The following SLC24A3 variants were observed in gnomAD, a reference collection of about 807,000 sequenced individuals.
SLC24A3 encodes solute carrier family 24 member 3.
Under a neutral mutation model 75.8 loss-of-function variants are expected in SLC24A3, and 28 were observed. The observed-to-expected ratio is 0.37, with a 90% CI of 0.27 to 0.51. The LOEUF is 0.51. Among genes scored for constraint, SLC24A3 ranks in the 20% least tolerant of loss-of-function variants. The probability of loss-of-function intolerance (pLI) is 0.94; values close to 1 mark genes in which losing one functional copy is unlikely to be tolerated. For missense variants in SLC24A3, 663 were observed against 847.8 expected (o/e 0.78, Z 2.71); for synonymous variants, 372 against 334.1 (o/e 1.11, Z -1.24).
intron 1 of SLC24A3, among the ~76,000 whole-genome samples, chr20:19,274,949 C>T (rs909175152): frequency 7.2e-5 from 11 of 152,224 alleles, no homozygotes; most frequent in African/African-American, 2.7e-4. Flanking sequence ...TGCTGCCGCC[C>T]TTGGCTGTGT....
chr20:19,652,130 C>A (rs75501572), intron 6 of SLC24A3, among the ~76,000 whole-genome samples: 273 of 152,262 alleles, frequency 1.8e-3, no homozygotes, highest in African/African-American at 6.3e-3. Flanking sequence ...CCCAATTATT[C>A]TTCTGCTTTC....
At chr20:19,683,188 G>A (rs1037557180) in intron 10 of SLC24A3, among the ~76,000 whole-genome samples, 2 of 152,120 alleles carry the variant, frequency 1.3e-5, no homozygotes, top group Non-Finnish European at 2.9e-5. Flanking sequence ...AATGACTTAG[G>A]TGATTTAGTA....
intron 6 of SLC24A3, among the ~76,000 whole-genome samples, chr20:19,597,752 T>TCCA (rs1941002856): frequency 6.6e-6 from 1 of 152,232 alleles, no homozygotes; most frequent in African/African-American, 2.4e-5. Flanking sequence ...GTTGCTGGTA[T>TCCA]CCATCATTCT....
At chr20:19,602,547 G>A (rs1236281337) in intron 6 of SLC24A3, among the ~76,000 whole-genome samples, 1 of 152,148 alleles carries the variant, frequency 6.6e-6, no homozygotes, top group Non-Finnish European at 1.5e-5. Flanking sequence ...GGTAGGAAAT[G>A]TCCAATCCAA....
intron 1 of SLC24A3, among the ~76,000 whole-genome samples, chr20:19,259,058 G>T (rs1172663007): frequency 2.0e-5 from 3 of 152,176 alleles, no homozygotes; most frequent in Non-Finnish European, 4.4e-5. Context: ...CTCGAGGAAG[G>T]ATTGAAAATA....
chr20:19,718,413 T>C (rs2033064842), intron 16 of SLC24A3, among the ~76,000 whole-genome samples: 3 of 152,234 alleles, frequency 2.0e-5, no homozygotes, highest in Admixed American at 1.3e-4. Context: ...AGTGGTGATA[T>C]TTGTAATAGC....
intron 1 of SLC24A3, among the ~76,000 whole-genome samples, chr20:19,256,768 C>CAA (rs11475395): frequency 3.0e-4 from 24 of 80,064 alleles, no homozygotes; most frequent in East Asian, 1.4e-3. Flanking sequence ...GACGTTGTCT[C>CAA]AAAAAAAAAA....
chr20:19,316,870 A>C (rs1413961488), intron 2 of SLC24A3, among the ~76,000 whole-genome samples: 3 of 152,202 alleles, frequency 2.0e-5, no homozygotes, highest in African/African-American at 7.2e-5. Context: ...GTACATGTGC[A>C]GGATGTGCAG....
At chr20:19,231,296 C>T (rs1371311100) in intron 1 of SLC24A3, among the ~76,000 whole-genome samples, 1 of 152,182 alleles carries the variant, frequency 6.6e-6, no homozygotes, top group Non-Finnish European at 1.5e-5. Context: ...ATGTTTACGT[C>T]CGAATCCTTG....
At chr20:19,598,934 C>T (rs140750190) in intron 6 of SLC24A3, among the ~76,000 whole-genome samples, 2,084 of 151,786 alleles carry the variant, frequency 0.014, 27 homozygotes, top group Middle Eastern at 0.051. Flanking sequence ...ACACACACAC[C>T]TTTCTTTTAC....
chr20:19,465,137 G>A (rs1987742462), intron 2 of SLC24A3, among the ~76,000 whole-genome samples: 1 of 152,194 alleles, frequency 6.6e-6, no homozygotes, highest in Non-Finnish European at 1.5e-5. Flanking sequence ...CAGACCACAG[G>A]CAGAGAGCAT....
At chr20:19,400,148 A>G (rs1194241679) in intron 2 of SLC24A3, among the ~76,000 whole-genome samples, 1 of 152,078 alleles carries the variant, frequency 6.6e-6, no homozygotes, top group Non-Finnish European at 1.5e-5. Context: ...TCTCCTCATT[A>G]TGGGTCCTGT....
intron 6 of SLC24A3, among the ~76,000 whole-genome samples, chr20:19,605,725 A>G (rs2031588443): frequency 6.6e-6 from 1 of 152,232 alleles, no homozygotes; most frequent in Non-Finnish European, 1.5e-5. Flanking sequence ...TTTAAGCTTC[A>G]GTTTTCCCCT....
At chr20:19,324,684 T>A (rs1984796099) in intron 2 of SLC24A3, among the ~76,000 whole-genome samples, 1 of 152,230 alleles carries the variant, frequency 6.6e-6, no homozygotes, top group South Asian at 2.1e-4. Context: ...TTCCTTAGGC[T>A]ATGTCTATAG....
Position 19,338,583 on chromosome 20 carries a change from A to G in SLC24A3, c.271+57496A>G, listed in dbSNP as rs565200480. Among the ~76,000 whole-genome samples, 3 of 152,250 alleles carry G rather than the reference A, an allele frequency of 2.0e-5. No homozygotes were observed. In the South Asian group the frequency reaches 6.2e-4, roughly 32 times the overall value. On this transcript the variant is annotated intron_variant, in intron 2 of 16. Coordinates refer to ENST00000328041, the MANE Select transcript of SLC24A3 (RefSeq NM_020689.4). ...CCCATATGATCACAATGCCTGTTCT[A>G]TTTCAGCCAGTTGTTTGGATGAACT...
At chr20:19,376,095 G>A (rs1454053312) in intron 2 of SLC24A3, among the ~76,000 whole-genome samples, 1 of 152,188 alleles carries the variant, frequency 6.6e-6, no homozygotes, top group Non-Finnish European at 1.5e-5. Flanking sequence ...AACTGTGTGA[G>A]TGTGTGTTTG....
intron 2 of SLC24A3, among the ~76,000 whole-genome samples, chr20:19,513,697 G>T: frequency 6.8e-6 from 1 of 148,084 alleles, no homozygotes. Context: ...ACTAGAGATT[G>T]TGATTGGCTA....
chr20:19,650,621 G>A (rs1415821257), intron 6 of SLC24A3, among the ~76,000 whole-genome samples: 1 of 152,066 alleles, frequency 6.6e-6, no homozygotes, highest in African/African-American at 2.4e-5. Flanking sequence ...GAAGAGGAGG[G>A]TTTACGTCTC....
chr20:19,580,173 C>T (rs1181000732), intron 4 of SLC24A3, 99 bp downstream of exon 4: 7 of 956,412 alleles, frequency 7.3e-6, no homozygotes, highest in Admixed American at 2.2e-5. Flanking sequence ...GGGGAGCCCT[C>T]GCAGGGCAGC....
Sources: gnomAD v4.1 joint callset for allele counts (sites outside exome capture counted in the v4.1 genomes callset) on GRCh38, gnomAD v4.1.1 for gene constraint, MANE v1.5 for transcripts, NCBI Gene and HGNC (gene_info 2026-07-23, HGNC 2026-07-21) for gene names.